Variants in INHBC observed in about 807,000 individuals in gnomAD.
The protein encoded by INHBC is inhibin beta C chain.
In INHBC, 10 loss-of-function variants were observed where a neutral mutation model predicts 12.4. The observed-to-expected ratio is 0.81, with a 90% CI of 0.50 to 1.37. The LOEUF is 1.37. Among genes scored for constraint, INHBC ranks in the 40% most tolerant of loss-of-function variants. The pLI is 0.00. For synonymous variants in INHBC, 147 were observed against 171.6 expected (o/e 0.86, Z 1.12); for missense variants, 382 against 439.4 (o/e 0.87, Z 1.17).
chr12:57,436,791 C>T (rs1870351295), intron 1 of INHBC, among the ~76,000 whole-genome samples: 2 of 152,032 alleles, frequency 1.3e-5, no homozygotes, highest in Non-Finnish European at 2.9e-5. Flanking sequence ...CTCAGCCTCC[C>T]GAGTAGCTGG....
intron 1 of INHBC, among the ~76,000 whole-genome samples, chr12:57,443,837 G>A (rs1249618798): frequency 1.3e-5 from 2 of 152,058 alleles, no homozygotes; most frequent in Non-Finnish European, 2.9e-5. Flanking sequence ...CACCCAGGCT[G>A]GAGTGCAGTG....
chr12:57,448,182 C>T lies in INHBC; in HGVS notation c.314-1095C>T, dbSNP rs532377706. Among the ~76,000 whole-genome samples, 51 of 151,812 alleles carry T rather than the reference C, an allele frequency of 3.4e-4. 1 individual carries two copies. The East Asian group carries it at 9.3e-3, about 28-fold the overall frequency. Reference sequence around the variant, plus strand: ...AAAAGTAAGTAGTTAGAAATCTAGGCCTGAAGCTTGGTGATTTCCAAATCT... The same window carrying T: ...AAAAGTAAGTAGTTAGAAATCTAGGTCTGAAGCTTGGTGATTTCCAAATCT... On this transcript the variant is annotated intron_variant, in intron 1 of 1. Transcript: ENST00000309668.
At position 57,449,669 on chromosome 12, in the gene INHBC, C is replaced by T. The variant is rs746832378; in HGVS notation, c.706C>T (p.Arg236Ter). 6.8e-6 allele frequency: 11 copies of T among 1,614,102 alleles called. No homozygotes were observed. In the Admixed American group the frequency reaches 8.3e-5, roughly 12 times the overall value. The change falls in exon 2 of 2, where the codon CGA becomes TGA. Residue 236 changes from arginine to a stop codon, truncating the protein, a stop_gained. Coordinates refer to ENST00000309668, the MANE Select transcript of INHBC (RefSeq NM_005538.4). LOFTEE classifies it high-confidence loss of function. ...TGGGGGCAAACACCAGATTCACCGA[C>T]GAGGCATCGACTGCCAAGGAGGGTC... Reference protein sequence around the residue: ...RVGGKHQIHRRGIDCQGGSRM... With the variant: ...RVGGKHQIHR
chr12:57,442,753 G>A (rs1870492130), intron 1 of INHBC, among the ~76,000 whole-genome samples: 1 of 152,148 alleles, frequency 6.6e-6, no homozygotes, highest in Non-Finnish European at 1.5e-5. Context: ...ACTTTGGGAG[G>A]TTGAGGTGGG....
intron 1 of INHBC, among the ~76,000 whole-genome samples, chr12:57,444,802 A>G (rs573466930): frequency 6.6e-6 from 1 of 151,994 alleles, no homozygotes; most frequent in African/African-American, 2.4e-5. Context: ...AGTAGCTGGG[A>G]TTACAGATGT....
Position 57,441,520 on chromosome 12 carries a change from C to T in INHBC, c.313+6321C>T, listed in dbSNP as rs190440058. ...AGCCTGGGCAATAAGATCAAAACTCCGTCTCAAAAAAAAAAAAAAAAAAAG... is the reference window on the plus strand; with the variant it reads ...AGCCTGGGCAATAAGATCAAAACTCTGTCTCAAAAAAAAAAAAAAAAAAAG... On this transcript the variant is annotated intron_variant, in intron 1 of 1. Transcript: ENST00000309668. Among the ~76,000 whole-genome samples, 593 of 144,668 alleles carry T rather than the reference C, an allele frequency of 4.1e-3. 2 individuals are homozygous for T. Among genetic ancestry groups the T allele is most frequent in the African/African-American group, 0.014 (557 of 38,646 alleles). The allele number at this position is 144,668 out of a possible 152,430, so 94.9% of individuals were successfully genotyped here.
chr12:57,440,792 C>T (rs1193411309), intron 1 of INHBC, among the ~76,000 whole-genome samples: 1 of 152,156 alleles, frequency 6.6e-6, no homozygotes, highest in African/African-American at 2.4e-5. Context: ...AGGTGATAGC[C>T]AATACACAAT....
intron 1 of INHBC, among the ~76,000 whole-genome samples, chr12:57,439,272 G>T (rs1056720551): frequency 3.9e-5 from 6 of 152,190 alleles, no homozygotes; most frequent in African/African-American, 1.4e-4. Context: ...AGGAGACACA[G>T]AGCAGTCACT....
chr12:57,435,329 T>C, intron 1 of INHBC, 130 bp downstream of exon 1: 4 of 895,628 alleles, frequency 4.5e-6, no homozygotes, highest in African/African-American at 1.7e-5. Flanking sequence ...GGCTATAATC[T>C]CCTTACCCAG....
Position 57,450,184 on chromosome 12 carries a change from C to A in INHBC, c.*162C>A. 1.4e-6 allele frequency: 1 copy of A among 702,398 alleles called. No homozygotes were observed. The highest frequency in any genetic ancestry group is 2.1e-6 in the Non-Finnish European group (1 of 469,790). The allele number at this position is 702,398 out of a possible 1,614,324, so 43.5% of individuals were successfully genotyped here. ...TACCCCACCTTTGACTTGAAGAAAC[C>A]TTCATCTAAAGCAAGTCACTGTGCC... is the stretch of plus-strand genomic sequence containing the variant. On this transcript the variant is annotated 3_prime_UTR_variant, in exon 2 of 2. Coordinates refer to ENST00000309668, the MANE Select transcript of INHBC (RefSeq NM_005538.4).
At chr12:57,448,963 A>G (rs1225146092) in intron 1 of INHBC, among the ~76,000 whole-genome samples, 1 of 152,314 alleles carries the variant, frequency 6.6e-6, no homozygotes, top group East Asian at 1.9e-4. Flanking sequence ...GTGTTATTCC[A>G]TGGCAGAAGG....
At chr12:57,445,881 G>A (rs1870565685) in intron 1 of INHBC, among the ~76,000 whole-genome samples, 1 of 151,918 alleles carries the variant, frequency 6.6e-6, no homozygotes, top group African/African-American at 2.4e-5. Context: ...AAGTAGCTGG[G>A]ATTACAGGTG....
At chr12:57,437,216 C>A (rs1369947445) in intron 1 of INHBC, among the ~76,000 whole-genome samples, 1 of 152,070 alleles carries the variant, frequency 6.6e-6, no homozygotes, top group Non-Finnish European at 1.5e-5. Context: ...CACTGCCCTC[C>A]AGCCTGGGCA....
At chr12:57,444,791 G>A (rs1287841721) in intron 1 of INHBC, among the ~76,000 whole-genome samples, 2 of 151,918 alleles carry the variant, frequency 1.3e-5, no homozygotes, top group South Asian at 2.1e-4. Flanking sequence ...TGATTCTCCC[G>A]AGTAGCTGGG....
Position 57,434,965 on chromosome 12 carries a change from C to T in INHBC, c.79C>T (p.Pro27Ser). The change falls in exon 1 of 2, where the codon CCA becomes TCA. Residue 27 changes from proline (P) to serine (S), a missense_variant. By Grantham distance (74) the Pro-to-Ser change is moderately conservative. Transcript: ENST00000309668. ...VATPRAGGQC[P>S]ACGGPTLELE... ...CACTCCCAGAGCTGGCGGTCAGTGT[C>T]CAGCATGTGGGGGGCCCACCTTGGA... The T allele has an allele frequency of 6.2e-7, 1 of 1,614,214 alleles. No homozygotes were observed. The highest frequency in any genetic ancestry group is 8.5e-7 in the Non-Finnish European group (1 of 1,180,038).
rs1566550878 is a variant in INHBC, at chr12:57,445,719, C to CT, written c.314-3558_314-3557insT. ...GTCTGGGTAACATAGTGAGACCCCC[C>CT]GCCCATCTCCATGTAAATTTTTTTT... On this transcript the variant is annotated intron_variant, in intron 1 of 1. Transcript: ENST00000309668. 1.7e-4 allele frequency among the ~76,000 whole-genome samples: 24 copies of CT among 141,418 alleles called. 1 individual carries two copies. The East Asian group carries it at 4.8e-3, about 28-fold the overall frequency. 92.8% of individuals were successfully genotyped at this position (141,418 alleles called of 152,430 possible).
chr12:57,445,995 C>T (rs751972997), intron 1 of INHBC, among the ~76,000 whole-genome samples: 3 of 151,234 alleles, frequency 2.0e-5, no homozygotes, highest in East Asian at 2.0e-4. Flanking sequence ...AGTGCAGTGG[C>T]GCGATGTCAG....
intron 1 of INHBC, among the ~76,000 whole-genome samples, chr12:57,441,715 T>G (rs1408664158): frequency 6.7e-6 from 1 of 150,162 alleles, no homozygotes; most frequent in African/African-American, 2.5e-5. Flanking sequence ...GGAGTCTCAC[T>G]CTGTTGCCCA....
intron 1 of INHBC, among the ~76,000 whole-genome samples, chr12:57,440,806 A>G (rs1200248604): frequency 6.6e-6 from 1 of 152,240 alleles, no homozygotes. Flanking sequence ...ACACAATACA[A>G]GTTCCCCTTT....
Sources: allele counts gnomAD v4.1 joint callset (sites outside exome capture counted in the v4.1 genomes callset), GRCh38; gene constraint gnomAD v4.1.1; transcripts MANE v1.5; gene names NCBI Gene and HGNC (gene_info 2026-07-23, HGNC 2026-07-21).